The following SIRT4 variants were observed in gnomAD, a reference collection of about 807,000 sequenced individuals.
SIRT4 encodes the protein sirtuin 4, also known as NAD-dependent protein lipoamidase sirtuin-4, mitochondrial.
Under a neutral mutation model 26.1 loss-of-function variants are expected in SIRT4, and 23 were observed. That is an observed-to-expected ratio of 0.88 (90% CI 0.63 to 1.25). The LOEUF (loss-of-function observed/expected upper bound fraction) is 1.25, where lower values mean the gene tolerates loss of function less well. SIRT4 is among the 50% of genes most tolerant of loss of function. SIRT4 has a pLI of 0.00. For synonymous variants in SIRT4, 155 were observed against 158.4 expected (o/e 0.98, Z 0.16); for missense variants, 361 against 405.4 (o/e 0.89, Z 0.94).
rs201703830 is a variant in SIRT4 at position 120,303,510 on chromosome 12, GA to G, written c.-1-39del. On this transcript the variant is annotated intron_variant, in intron 1 of 3. Coordinates refer to ENST00000202967, the MANE Select transcript of SIRT4 (RefSeq NM_012240.3). ...ACGAAAACAAACAAACAAAAAATGA[GA>G]AAAAAAAAAAACCACCCCAGTTTCT... 7.6e-3 allele frequency: 9,045 copies of G among 1,193,156 alleles called. 6 individuals are homozygous for G. Among genetic ancestry groups the G allele is most frequent in the South Asian group, 9.0e-3 (527 of 58,398 alleles). The allele number at this position is 1,193,156 out of a possible 1,614,324, so 73.9% of individuals were successfully genotyped here. A position where few individuals can be genotyped will look rare whatever the true frequency, so the allele number is the denominator to read the frequency against.
At chr12:120,292,842 C>G in the SIRT4 span, among the ~76,000 whole-genome samples, 3 of 152,130 alleles carry the variant, frequency 2.0e-5, no homozygotes, top group South Asian at 6.2e-4. Context: ...AACAGGACAG[C>G]CAACTGGCAA....
chr12:120,293,284 A>G, the SIRT4 span: 1 of 152,188 alleles, frequency 6.6e-6, no homozygotes, highest in African/African-American at 2.4e-5. Context: ...CCAGCTTCCT[A>G]TTTCGCAAAG....
At chr12:120,311,400 T>C (rs920200737) in intron 2 of SIRT4, among the ~76,000 whole-genome samples, 3 of 150,080 alleles carry the variant, frequency 2.0e-5, no homozygotes, top group Admixed American at 6.7e-5. Context: ...AGACACAAAG[T>C]GCTCTCCCTC....
chr12:120,308,035 T>A (rs923779465), intron 2 of SIRT4, among the ~76,000 whole-genome samples: 10 of 150,736 alleles, frequency 6.6e-5, no homozygotes, highest in African/African-American at 9.7e-5. Context: ...TTTTTTTTTT[T>A]AAATAGAGAC....
At chr12:120,294,809 C>G in the SIRT4 span, among the ~76,000 whole-genome samples, 1 of 151,494 alleles carries the variant, frequency 6.6e-6, no homozygotes, top group African/African-American at 2.4e-5. Context: ...TGAGCTGCCG[C>G]CCGGACCAAC....
chr12:120,309,406 T>A (rs953322570), intron 2 of SIRT4, among the ~76,000 whole-genome samples: 2 of 151,108 alleles, frequency 1.3e-5, no homozygotes, highest in African/African-American at 4.9e-5. Context: ...GGGCCTTTTT[T>A]TCTTTTCTTT....
chr12:120,298,004 G>C (rs908458143), upstream of SIRT4, among the ~76,000 whole-genome samples: 1 of 151,712 alleles, frequency 6.6e-6, no homozygotes, highest in African/African-American at 2.4e-5. Context: ...CTGGAGTGCA[G>C]TCACAGGATC....
chr12:120,302,818 C>A (rs1303057423), intron 1 of SIRT4, among the ~76,000 whole-genome samples: 1 of 150,854 alleles, frequency 6.6e-6, no homozygotes, highest in Non-Finnish European at 1.5e-5. Context: ...CTCCCGGGTT[C>A]AAGCAATTCT....
chr12:120,297,841 C>A (rs1426419623), upstream of SIRT4, among the ~76,000 whole-genome samples: 1 of 152,158 alleles, frequency 6.6e-6, no homozygotes, highest in Non-Finnish European at 1.5e-5. Flanking sequence ...ATCAAATACC[C>A]AGAAAATGTG....
At chr12:120,312,393 G>C (rs1426919538) in intron 2 of SIRT4, 63 bp from the exon 3 acceptor site, 30 of 1,488,164 alleles carry the variant, frequency 2.0e-5, no homozygotes, top group Non-Finnish European at 2.4e-5. Context: ...GAGATGAAAC[G>C]TCTCTGACAG....
the SIRT4 span, among the ~76,000 whole-genome samples, chr12:120,295,075 C>T: frequency 6.6e-6 from 1 of 152,152 alleles, no homozygotes; most frequent in South Asian, 2.1e-4. Context: ...AAGTGATCCT[C>T]CTGCCTCAGC....
the SIRT4 span, among the ~76,000 whole-genome samples, chr12:120,296,287 G>A: frequency 2.7e-5 from 4 of 150,692 alleles, no homozygotes; most frequent in South Asian, 2.1e-4. Context: ...GCGCAATCTC[G>A]GCTCACTGCG....
chr12:120,310,238 C>T (rs1308924633), intron 2 of SIRT4, among the ~76,000 whole-genome samples: 7 of 151,902 alleles, frequency 4.6e-5, no homozygotes, highest in South Asian at 2.1e-4. Context: ...TGGTGGCAGG[C>T]GCCTGTAATC....
upstream of SIRT4, among the ~76,000 whole-genome samples, chr12:120,300,233 A>G (rs549229864): frequency 5.1e-4 from 78 of 152,024 alleles, no homozygotes; most frequent in African/African-American, 1.9e-3. Flanking sequence ...TAGAAACTGC[A>G]GTGAGCTGTG....
upstream of SIRT4, among the ~76,000 whole-genome samples, chr12:120,299,250 A>G (rs1332204935): frequency 1.7e-5 from 2 of 120,716 alleles, no homozygotes; most frequent in African/African-American, 2.9e-5. Context: ...AATAAATACA[A>G]TAATAATAAT....
intron 2 of SIRT4, among the ~76,000 whole-genome samples, chr12:120,306,412 T>G (rs1474691156): frequency 6.6e-6 from 1 of 150,716 alleles, no homozygotes; most frequent in Admixed American, 6.6e-5. Flanking sequence ...GAGGCGGAGG[T>G]TGCGGTGAGC....
chr12:120,310,918 G>A (rs1394570253), intron 2 of SIRT4, among the ~76,000 whole-genome samples: 1 of 150,444 alleles, frequency 6.6e-6, no homozygotes, highest in African/African-American at 2.4e-5. Context: ...TGTATTTTTA[G>A]TAGAGATGGG....
intron 2 of SIRT4, among the ~76,000 whole-genome samples, chr12:120,309,145 G>A (rs901198671): frequency 7.9e-5 from 12 of 152,058 alleles, no homozygotes; most frequent in Non-Finnish European, 1.5e-4. Context: ...TTGTGCCATT[G>A]CCCTCCAGCC....
rs34827089 is a variant in SIRT4, at chr12:120,305,242, CGTGTGTGTGTGT to C, written c.497+1199_497+1210del. Among the ~76,000 whole-genome samples, 5 of 147,792 alleles carry C rather than the reference CGTGTGTGTGTGT, an allele frequency of 3.4e-5. No individual in the cohort carries two copies. In the East Asian group the frequency reaches 1.0e-3, roughly 30 times the overall value. ...ATTTTCTTTTGTGTTTGTGTGTGCA[CGTGTGTGTGTGT>C]GTGTGTGTGTGTGTATGACAGGCTT... On this transcript the variant is annotated intron_variant, in intron 2 of 3. Transcript: ENST00000202967.
Sources: allele counts gnomAD v4.1 joint callset (sites outside exome capture counted in the v4.1 genomes callset), GRCh38; gene constraint gnomAD v4.1.1; transcripts MANE v1.5; gene names NCBI Gene and HGNC (gene_info 2026-07-23, HGNC 2026-07-21).